Variants in LRTM1 observed in about 807,000 individuals in gnomAD.
LRTM1 encodes the protein leucine-rich repeat and transmembrane domain-containing protein 1.
A neutral mutation model predicts 32.4 loss-of-function variants in LRTM1; 38 were observed. That is an observed-to-expected ratio of 1.17 (90% confidence interval 0.91 to 1.54). The LOEUF is 1.54. Ranked by LOEUF, LRTM1 falls within the 40% of genes most tolerant of loss-of-function variation. LRTM1 has a pLI of 0.00. For missense variants in LRTM1, 466 were observed against 415.4 expected (o/e 1.12, Z -1.06); for synonymous variants, 186 against 169.9 (o/e 1.09, Z -0.74).
chr3:54,930,494 G>C (rs1017129338), upstream of LRTM1, among the ~76,000 whole-genome samples: 11 of 152,184 alleles, frequency 7.2e-5, no homozygotes, highest in Non-Finnish European at 1.6e-4. Flanking sequence ...GGCCCAGCTG[G>C]GATCCAGATA....
At position 54,918,342 on chromosome 3, in the gene LRTM1, T is replaced by C. The variant is rs936731496; in HGVS notation, c.*117A>G. The stretch of plus-strand genomic sequence containing the variant: ...ACATCTTTTTTTTTTCTTTTTTTTT[T>C]TTTTTTTTTTTTTGTCTTTTGGCAA... On this transcript the variant is annotated 3_prime_UTR_variant, in exon 3 of 3. Transcript: ENST00000273286. The C allele has an allele frequency of 1.9e-4, 72 of 376,462 alleles. 1 individual carries two copies. Among genetic ancestry groups the C allele is most frequent in the African/African-American group, 9.8e-4 (43 of 44,072 alleles). 23.3% of individuals were successfully genotyped at this position (376,462 alleles called of 1,614,324 possible). A position where few individuals can be genotyped will look rare whatever the true frequency, so the allele number is the denominator to read the frequency against.
At chr3:54,931,253 G>A (rs1225275920), upstream of LRTM1, among the ~76,000 whole-genome samples, 1 of 152,202 alleles carries the variant, frequency 6.6e-6, no homozygotes, top group African/African-American at 2.4e-5. Context: ...TCTGCTTACT[G>A]CCCAAGGGGT....
At chr3:54,931,148 G>T (rs1701178953), upstream of LRTM1, among the ~76,000 whole-genome samples, 1 of 152,148 alleles carries the variant, frequency 6.6e-6, no homozygotes, top group African/African-American at 2.4e-5. Flanking sequence ...TGGATTTACA[G>T]ACTTCAAAGA....
intron 1 of LRTM1, among the ~76,000 whole-genome samples, chr3:54,965,428 T>C (rs1477149322): frequency 2.6e-5 from 4 of 152,214 alleles, no homozygotes; most frequent in Non-Finnish European, 5.9e-5. Flanking sequence ...GGCTTCTTAC[T>C]GTTCTGTGAG....
intron 1 of LRTM1, among the ~76,000 whole-genome samples, chr3:54,939,566 C>A (rs2106979364): frequency 6.6e-6 from 1 of 152,334 alleles, no homozygotes; most frequent in African/African-American, 2.4e-5. Flanking sequence ...AGGGATTGGG[C>A]AAAGTGTGCT....
At chr3:54,924,248 A>G (rs909674760) in intron 2 of LRTM1, among the ~76,000 whole-genome samples, 5 of 152,244 alleles carry the variant, frequency 3.3e-5, no homozygotes, top group Admixed American at 1.3e-4. Context: ...AGAGATAACC[A>G]TACCCACAAT....
At chr3:54,947,174 G>A (rs1701637293) in intron 1 of LRTM1, among the ~76,000 whole-genome samples, 1 of 152,174 alleles carries the variant, frequency 6.6e-6, no homozygotes, top group Admixed American at 6.5e-5. Context: ...TAAAGACTGA[G>A]CAGAGGCGGG....
intron 1 of LRTM1, among the ~76,000 whole-genome samples, chr3:54,936,970 C>T (rs1214257372): frequency 6.6e-6 from 1 of 152,060 alleles, no homozygotes; most frequent in Non-Finnish European, 1.5e-5. Flanking sequence ...TCCAGTTGCT[C>T]CCACCATGAA....
chr3:54,964,974 G>T (rs369657851), intron 1 of LRTM1, among the ~76,000 whole-genome samples: 7 of 152,160 alleles, frequency 4.6e-5, no homozygotes, highest in East Asian at 3.9e-4. Flanking sequence ...AGCTTTCAGA[G>T]TGGGCTTTCT....
intron 1 of LRTM1, among the ~76,000 whole-genome samples, chr3:54,949,926 C>A (rs889784662): frequency 3.9e-5 from 6 of 152,200 alleles, no homozygotes; most frequent in Middle Eastern, 3.4e-3. Context: ...TGAGGGCCAC[C>A]CCAAATAATG....
Position 54,918,318 on chromosome 3 carries a change from C to T in LRTM1, c.*141G>A, listed in dbSNP as rs530822671. 5 of 696,390 alleles carry T rather than the reference C, an allele frequency of 7.2e-6. No individual in the cohort carries two copies. In the East Asian group the frequency reaches 1.4e-4, roughly 20 times the overall value. The allele number at this position is 696,390 out of a possible 1,614,324, so 43.1% of individuals were successfully genotyped here. ...TCCCCAGAAATATTTTTTACAGACACATCTTTTTTTTTTCTTTTTTTTTTT... is the reference window on the plus strand; with the variant it reads ...TCCCCAGAAATATTTTTTACAGACATATCTTTTTTTTTTCTTTTTTTTTTT... On this transcript the variant is annotated 3_prime_UTR_variant, in exon 3 of 3. Coordinates refer to ENST00000273286, the MANE Select transcript of LRTM1 (RefSeq NM_020678.4).
At chr3:54,929,999 C>T (rs1291871799), upstream of LRTM1, among the ~76,000 whole-genome samples, 1 of 152,054 alleles carries the variant, frequency 6.6e-6, no homozygotes, top group Non-Finnish European at 1.5e-5. Flanking sequence ...TTGTGAAGGC[C>T]AGATAGTAAA....
upstream of LRTM1, among the ~76,000 whole-genome samples, chr3:54,928,700 A>G (rs1383477762): frequency 2.3e-5 from 3 of 129,650 alleles, no homozygotes; most frequent in African/African-American, 8.9e-5. Flanking sequence ...TGCTGCCCCC[A>G]CACCCCACCC....
chr3:54,933,621 T>G (rs1479305085), intron 1 of LRTM1, among the ~76,000 whole-genome samples: 1 of 152,232 alleles, frequency 6.6e-6, no homozygotes, highest in African/African-American at 2.4e-5. Context: ...CCACATTTTA[T>G]TGCATTATCT....
At chr3:54,949,605 A>C (rs1701704409) in intron 1 of LRTM1, among the ~76,000 whole-genome samples, 1 of 152,184 alleles carries the variant, frequency 6.6e-6, no homozygotes, top group South Asian at 2.1e-4. Context: ...ATCAGGGCAC[A>C]TTATCAACAT....
intron 1 of LRTM1, among the ~76,000 whole-genome samples, chr3:54,946,700 A>G (rs1332759083): frequency 1.3e-5 from 2 of 152,182 alleles, no homozygotes; most frequent in East Asian, 1.9e-4. Context: ...TCAGAAAAGC[A>G]TGTTGCTTTG....
At chr3:54,929,786 C>G (rs1018176303), upstream of LRTM1, among the ~76,000 whole-genome samples, 7 of 152,118 alleles carry the variant, frequency 4.6e-5, no homozygotes, top group African/African-American at 1.7e-4. Context: ...GTTTCAGGTG[C>G]ACAGAATTTA....
Position 54,918,490 on chromosome 3 carries a change from T to C in LRTM1, c.1007A>G (p.Glu336Gly), listed in dbSNP as rs1207818345. ...AQTNDPGKVE[E>G]KERFDSSPA Reference sequence around the variant, plus strand: ...TGGTGAGCTGTCAAATCGCTCTTTTTCTTCCACCTTCCCAGGATCATTGGT... The same window carrying C: ...TGGTGAGCTGTCAAATCGCTCTTTTCCTTCCACCTTCCCAGGATCATTGGT... The change falls in exon 3 of 3, where the codon GAA (glutamate) becomes GGA (glycine). Residue 336 changes from glutamate to glycine, a missense_variant. Transcript: ENST00000273286. 1 of 1,613,932 alleles carries C rather than the reference T, an allele frequency of 6.2e-7. No individual in the cohort carries two copies. The highest frequency in any genetic ancestry group is 1.7e-5 in the Admixed American group (1 of 60,006).
chr3:54,920,180 T>TCACATTATTAGC (rs1345968536), intron 2 of LRTM1, among the ~76,000 whole-genome samples: 1 of 152,222 alleles, frequency 6.6e-6, no homozygotes, highest in African/African-American at 2.4e-5. Context: ...GGGCATCACT[T>TCACATTATTAGC]CAACATTATT....
Sources: allele counts gnomAD v4.1 joint callset (sites outside exome capture counted in the v4.1 genomes callset), GRCh38; gene constraint gnomAD v4.1.1; transcripts MANE v1.5; gene names NCBI Gene and HGNC (gene_info 2026-07-23, HGNC 2026-07-21).